ANKRD42: variants seen among roughly 807,000 people sequenced by gnomAD.
ANKRD42 encodes the protein ankyrin repeat domain 42.
ANKRD42 carries 43 observed loss-of-function variants against 51.5 expected under a neutral mutation model. That is an observed-to-expected ratio of 0.83 (90% CI 0.65 to 1.08). The LOEUF (loss-of-function observed/expected upper bound fraction) is 1.08. Ranked by LOEUF, ANKRD42 falls within the 50% of genes least tolerant of loss-of-function variation. ANKRD42 has a pLI of 0.00. For missense variants in ANKRD42, 608 were observed against 629.3 expected (o/e 0.97, Z 0.36); for synonymous variants, 203 against 213.0 (o/e 0.95, Z 0.41).
chr11:83,247,224 T>C (rs1863568485), intron 10 of ANKRD42, among the ~76,000 whole-genome samples: 1 of 151,986 alleles, frequency 6.6e-6, no homozygotes, highest in African/African-American at 2.4e-5. Flanking sequence ...TATTTCCTAC[T>C]AATGACTTTT....
intron 7 of ANKRD42, among the ~76,000 whole-genome samples, chr11:83,231,350 G>A (rs995262944): frequency 1.9e-4 from 29 of 152,214 alleles, no homozygotes; most frequent in African/African-American, 6.5e-4. Flanking sequence ...TTTGCCATTT[G>A]TATGTCTTCT....
intron 5 of ANKRD42, 41 bp from the exon 6 acceptor site, chr11:83,224,814 A>G: frequency 6.8e-7 from 1 of 1,461,976 alleles, no homozygotes; most frequent in Non-Finnish European, 9.1e-7. Context: ...TAAAAATTTT[A>G]AAAAATAAAA....
chr11:83,218,758 C>G (rs530086891), intron 5 of ANKRD42, among the ~76,000 whole-genome samples: 14 of 152,104 alleles, frequency 9.2e-5, no homozygotes, highest in African/African-American at 3.1e-4. Context: ...GGGAAGAGGC[C>G]CTCAGTACGG....
exon 12 of ANKRD42, chr11:83,256,004 C>G: frequency 9.3e-7 from 1 of 1,075,148 alleles, no homozygotes; most frequent in East Asian, 2.6e-5. Flanking sequence ...AAATGTGAGT[C>G]TATACAAACT....
chr11:83,198,357 C>T, intron 1 of ANKRD42, 122 bp from the exon 2 acceptor site: 2 of 978,684 alleles, frequency 2.0e-6, no homozygotes, highest in Admixed American at 3.0e-5. Context: ...TGACAAACAT[C>T]TTTGTAGTAA....
chr11:83,218,815 T>C (rs1391784589), intron 5 of ANKRD42, among the ~76,000 whole-genome samples: 2 of 152,138 alleles, frequency 1.3e-5, no homozygotes, highest in African/African-American at 4.8e-5. Flanking sequence ...GCAGGCTTGG[T>C]ACAAGGCAGT....
At chr11:83,218,555 C>T (rs887854980) in intron 5 of ANKRD42, among the ~76,000 whole-genome samples, 1 of 152,098 alleles carries the variant, frequency 6.6e-6, no homozygotes, top group Non-Finnish European at 1.5e-5. Flanking sequence ...CCTAAATCTG[C>T]CTTTATTTGT....
chr11:83,256,987 A>C (rs577408997), downstream of ANKRD42, among the ~76,000 whole-genome samples: 1 of 152,340 alleles, frequency 6.6e-6, no homozygotes, highest in Admixed American at 6.5e-5. Flanking sequence ...AGGACTTGGA[A>C]CAGATCTTAT....
chr11:83,232,908 C>T (rs1025843119), intron 7 of ANKRD42, among the ~76,000 whole-genome samples: 11 of 152,070 alleles, frequency 7.2e-5, no homozygotes, highest in African/African-American at 2.4e-4. Flanking sequence ...GTTGAATCAT[C>T]GGTGTATCGC....
chr11:83,198,554 T>C lies in ANKRD42; in HGVS notation c.134T>C (p.Ile45Thr). 1 of 1,613,934 alleles carries C rather than the reference T, an allele frequency of 6.2e-7. No individual in the cohort carries two copies. Reference protein sequence around the residue: ...RAGDVKQLSEIVVRGASINEL... With the variant: ...RAGDVKQLSETVVRGASINEL... The stretch of plus-strand genomic sequence containing the variant: ...GGAGATGTAAAGCAGCTTTCAGAAA[T>C]AGTGGTACGTGGAGCCAGCATTAAT... The change falls in exon 2 of 11, where the codon ATA becomes ACA. Residue 45 changes from isoleucine (I) to threonine (T), a missense_variant. Physicochemically the swap from Ile to Thr is moderately conservative, Grantham distance 89 (BLOSUM62 -1). Coordinates refer to ENST00000533342, the MANE Select transcript of ANKRD42 (RefSeq NM_001300975.2).
At chr11:83,221,613 G>T (rs80081127) in intron 5 of ANKRD42, among the ~76,000 whole-genome samples, 2,753 of 152,182 alleles carry the variant, frequency 0.018, 65 homozygotes, top group African/African-American at 0.058. Context: ...GCCCTAAATG[G>T]CACCTTATGC....
chr11:83,194,750 C>A, intron 1 of ANKRD42, 22 bp downstream of exon 1: 1 of 1,559,602 alleles, frequency 6.4e-7, no homozygotes, highest in Non-Finnish European at 8.7e-7. Flanking sequence ...TGTCATTGGC[C>A]TTCATCTCTG....
rs752621704 is a variant in ANKRD42, at chr11:83,227,848, A to G, written c.889A>G (p.Asn297Asp). The stretch of plus-strand genomic sequence containing the variant: ...AATCAATATTAATGAGCGTGCTGAT[A>G]ATGGATCAACTCCTATGCATAAAGG... The part of the protein sequence containing the change: ...GVININERAD[N>D]GSTPMHKAAG... The change falls in exon 7 of 11, where the codon AAT (asparagine) becomes GAT (aspartate). Residue 297 changes from asparagine to aspartate, a missense_variant. Coordinates refer to ENST00000533342, the MANE Select transcript of ANKRD42 (RefSeq NM_001300975.2). 1 of 1,611,594 alleles carries G rather than the reference A, an allele frequency of 6.2e-7. No homozygotes were observed. Among genetic ancestry groups the G allele is most frequent in the Non-Finnish European group, 8.5e-7 (1 of 1,179,250 alleles).
At chr11:83,227,483 T>C (rs1590992684) in intron 6 of ANKRD42, among the ~76,000 whole-genome samples, 1 of 47,606 alleles carries the variant, frequency 2.1e-5, no homozygotes, top group African/African-American at 1.3e-4. Flanking sequence ...TGTGGTGATA[T>C]GAGAGAGAAA....
Position 83,211,298 on chromosome 11 carries a change from C to T in ANKRD42, c.454C>T (p.Pro152Ser). Residue 152 changes from proline to serine, a missense_variant, in exon 5 of 11, where the codon CCC becomes TCC. By Grantham distance (74) the Pro-to-Ser change is moderately conservative. Coordinates refer to ENST00000533342, the MANE Select transcript of ANKRD42 (RefSeq NM_001300975.2). ...TCCTTGTGAATGTTACCTCTAGGAT[C>T]CCAGTGTGACTGATAAGAGAGAATG... is the stretch of plus-strand genomic sequence containing the variant. ...LQIMLRSGVD[P>S]SVTDKREWRP... 1 of 1,614,086 alleles carries T rather than the reference C, an allele frequency of 6.2e-7. No homozygotes were observed.
chr11:83,223,712 G>A (rs963845534), intron 5 of ANKRD42, among the ~76,000 whole-genome samples: 2 of 152,134 alleles, frequency 1.3e-5, no homozygotes, highest in Non-Finnish European at 2.9e-5. Context: ...AGTGTGAGGG[G>A]CAGCTGAGGG....
chr11:83,195,869 G>T (rs1861630671), intron 1 of ANKRD42, among the ~76,000 whole-genome samples: 1 of 147,358 alleles, frequency 6.8e-6, no homozygotes. Flanking sequence ...TTTGGAGACG[G>T]AGTCTTGCTC....
exon 12 of ANKRD42, chr11:83,256,087 A>G (rs1863768405): frequency 1.9e-6 from 1 of 538,922 alleles, no homozygotes; most frequent in Non-Finnish European, 3.1e-6. Context: ...AGATTTAGAG[A>G]TTTTTTAAAT....
At position 83,206,107 on chromosome 11, in the gene ANKRD42, C is replaced by A. The variant is rs763601768; in HGVS notation, c.272C>A (p.Thr91Lys). 6.2e-7 allele frequency: 1 copy of A among 1,613,988 alleles called. No homozygotes were observed. Among genetic ancestry groups the A allele is most frequent in the Non-Finnish European group, 8.5e-7 (1 of 1,179,916 alleles). ...WHGADITHVT[T>K]RGWTASHIAA... ...GGAGCTGATATCACACACGTAACAA[C>A]GAGAGGTTGGACAGCATCTCACATA... Residue 91 changes from threonine (T) to lysine (K), a missense_variant, in exon 3 of 11, where the codon ACG becomes AAG. Physicochemically the swap from Thr to Lys is moderately conservative, Grantham distance 78 (BLOSUM62 -1). Transcript: ENST00000533342.
Sources: allele counts gnomAD v4.1 joint callset (sites outside exome capture counted in the v4.1 genomes callset), GRCh38; gene constraint gnomAD v4.1.1; transcripts MANE v1.5; gene names NCBI Gene and HGNC (gene_info 2026-07-23, HGNC 2026-07-21).